ANKRD11: variants seen among roughly 807,000 people sequenced by gnomAD.
ANKRD11 encodes the protein ankyrin repeat domain-containing protein 11.
Under a neutral mutation model 195.7 loss-of-function variants are expected in ANKRD11, and 17 were observed. The ratio of observed to expected loss-of-function variants is 0.09; its 90% CI spans 0.06 to 0.13. The LOEUF (loss-of-function observed/expected upper bound fraction) is 0.13. Ranked by LOEUF, ANKRD11 falls within the 10% of genes least tolerant of loss-of-function variation. The pLI, the probability that ANKRD11 is intolerant of heterozygous loss-of-function variation, is 1.00. For missense variants in ANKRD11, 3,735 were observed against 3,566.1 expected, an observed-to-expected ratio of 1.05 and a Z score of -1.21; for synonymous variants, 1,953 against 1,528.1, an observed-to-expected ratio of 1.28 and a Z score of -6.49.
At chr16:89,358,807 G>A (rs2039602506) in intron 2 of ANKRD11, among the ~76,000 whole-genome samples, 1 of 151,868 alleles carries the variant, frequency 6.6e-6, no homozygotes, top group Non-Finnish European at 1.5e-5. Context: ...TCACATTTCA[G>A]TTATAGTTTG....
At chr16:89,404,698 C>G (rs530288188) in intron 2 of ANKRD11, among the ~76,000 whole-genome samples, 1 of 152,366 alleles carries the variant, frequency 6.6e-6, no homozygotes, top group South Asian at 2.1e-4. Context: ...GTTCAACCTT[C>G]CTACAAGCAC....
intron 7 of ANKRD11, chr16:89,287,989 C>T (rs925388225): frequency 1.0e-5 from 5 of 478,304 alleles, no homozygotes; most frequent in African/African-American, 1.9e-5. Flanking sequence ...CCCTGCTTTC[C>T]GGCAGGACGG....
chr16:89,284,471 G>C lies in ANKRD11; in HGVS notation c.2071C>G (p.Arg691Gly). Reference protein sequence around the residue: ...ENKLKVLKHDRDHFKKEEKLS... With the variant: ...ENKLKVLKHDGDHFKKEEKLS... The stretch of plus-strand genomic sequence containing the variant: ...TTCTCTTCTTTTTTAAAGTGGTCGC[G>C]ATCGTGCTTTAACACTTTTAGCTTG... The change falls in exon 9 of 13, where the codon CGC becomes GGC. Residue 691 changes from arginine to glycine, a missense_variant. Transcript: ENST00000301030. The C allele has an allele frequency of 6.2e-7, 1 of 1,613,870 alleles. No individual in the cohort carries two copies. The highest frequency in any genetic ancestry group is 8.5e-7 in the Non-Finnish European group (1 of 1,180,006).
At chr16:89,447,631 T>G (rs538756902) in intron 1 of ANKRD11, among the ~76,000 whole-genome samples, 1 of 152,114 alleles carries the variant, frequency 6.6e-6, no homozygotes, top group African/African-American at 2.4e-5. Flanking sequence ...CTGTTCTCAC[T>G]CCTCCTACAC....
At position 89,280,909 on chromosome 16, in the gene ANKRD11, G is replaced by A; in HGVS notation, c.5633C>T (p.Ser1878Phe). Residue 1878 changes from serine to phenylalanine, a missense_variant, in exon 9 of 13, where the codon TCT (serine) becomes TTT (phenylalanine). Physicochemically the swap from Ser to Phe is radical, Grantham distance 155. Coordinates refer to ENST00000301030, the MANE Select transcript of ANKRD11 (RefSeq NM_013275.6). ...PPAAVVTVTP[S>F]PEGVFSSLQA... The stretch of plus-strand genomic sequence containing the variant: ...TAAACTTGAGAAGACGCCCTCTGGA[G>A]ACGGGGTGACAGTGACAACGGCAGC... 6.2e-7 allele frequency: 1 copy of A among 1,600,936 alleles called. No individual in the cohort carries two copies. Among genetic ancestry groups the A allele is most frequent in the East Asian group, 2.2e-5 (1 of 44,568 alleles).
chr16:89,307,409 AAG>A (rs1218890729), intron 3 of ANKRD11, among the ~76,000 whole-genome samples: 3 of 152,214 alleles, frequency 2.0e-5, no homozygotes, highest in Non-Finnish European at 4.4e-5. Context: ...GTGACCATGA[AAG>A]AGCTTTCCAG....
chr16:89,279,081 G>A lies in ANKRD11; in HGVS notation c.7461C>T (p.His2487=), dbSNP rs894825981. 3.7e-6 allele frequency: 6 copies of A among 1,614,024 alleles called. No individual in the cohort carries two copies. The highest frequency in any genetic ancestry group is 5.1e-6 in the Non-Finnish European group (6 of 1,179,932). The change falls in exon 9 of 13, where the codon CAC becomes CAT. Residue 2487 remains histidine (H), a synonymous_variant. Transcript: ENST00000301030. The surrounding 1 kb of genome is among the most constrained non-coding windows in gnomAD (Gnocchi z 5.6). ...CGGGCCCCGCACTCACCACGGGGAT[G>A]TGGAGCTTGCTGAGCGGCTTGCCGT... ...LLDGKPLSKL[H]IPVIAPPPSL...
intron 2 of ANKRD11, among the ~76,000 whole-genome samples, chr16:89,355,317 A>G (rs1424450148): frequency 1.3e-5 from 2 of 152,120 alleles, no homozygotes; most frequent in Non-Finnish European, 2.9e-5. Context: ...CGGCTCACAC[A>G]GACCCACAAG....
chr16:89,398,015 A>G (rs2041521212), intron 2 of ANKRD11, among the ~76,000 whole-genome samples: 2 of 152,114 alleles, frequency 1.3e-5, no homozygotes, highest in African/African-American at 4.8e-5. Flanking sequence ...CACCAGTGAC[A>G]ATGTAGCACT....
intron 2 of ANKRD11, among the ~76,000 whole-genome samples, chr16:89,384,375 A>C (rs1194602454): frequency 6.6e-6 from 1 of 152,208 alleles, no homozygotes; most frequent in African/African-American, 2.4e-5. Context: ...TATGAAAAAT[A>C]CAAAAATTAG....
intron 2 of ANKRD11, among the ~76,000 whole-genome samples, chr16:89,347,411 C>T (rs1367507918): frequency 1.3e-5 from 2 of 152,056 alleles, no homozygotes; most frequent in Non-Finnish European, 2.9e-5. Flanking sequence ...AGATCAAGAC[C>T]ATCCTGGCTA....
At chr16:89,428,394 C>A (rs1023138482) in intron 1 of ANKRD11, among the ~76,000 whole-genome samples, 1 of 151,742 alleles carries the variant, frequency 6.6e-6, no homozygotes, top group East Asian at 1.9e-4. Flanking sequence ...AGCGTGGTGG[C>A]GGGCGCCTAT....
intron 2 of ANKRD11, among the ~76,000 whole-genome samples, chr16:89,329,410 G>C (rs2037928437): frequency 6.6e-6 from 1 of 152,196 alleles, no homozygotes; most frequent in Admixed American, 6.5e-5. Context: ...AAAAAAAAGG[G>C]AGAAAAAACA....
intron 1 of ANKRD11, among the ~76,000 whole-genome samples, chr16:89,484,285 C>CAAG (rs2057534742): frequency 6.6e-6 from 1 of 152,120 alleles, no homozygotes; most frequent in African/African-American, 2.4e-5. Flanking sequence ...TGGATACTAA[C>CAAG]AAAGCTTGAT....
intron 2 of ANKRD11, among the ~76,000 whole-genome samples, chr16:89,382,331 A>T (rs2152108405): frequency 6.6e-6 from 1 of 151,002 alleles, no homozygotes; most frequent in African/African-American, 2.4e-5. Context: ...ATATATATAT[A>T]TATATTTTTT....
chr16:89,446,692 G>C (rs1247370303), intron 1 of ANKRD11, among the ~76,000 whole-genome samples: 2 of 152,136 alleles, frequency 1.3e-5, no homozygotes, highest in Non-Finnish European at 2.9e-5. Flanking sequence ...TGAGATCCTT[G>C]TGGCAGGACC....
intron 2 of ANKRD11, among the ~76,000 whole-genome samples, chr16:89,330,525 G>A (rs1238166200): frequency 1.3e-5 from 2 of 151,792 alleles, no homozygotes; most frequent in Admixed American, 6.6e-5. Context: ...ACGTGGCAGC[G>A]GGTTTCCACA....
chr16:89,275,045 T>G (rs568821799), intron 10 of ANKRD11, 48 bp downstream of exon 10: 1 of 1,612,724 alleles, frequency 6.2e-7, no homozygotes, highest in South Asian at 1.1e-5. Context: ...GCCTGCGCCG[T>G]GAAAAGCCCT....
At position 89,284,055 on chromosome 16, in the gene ANKRD11, G is replaced by T. The variant is rs376806924; in HGVS notation, c.2487C>A (p.Thr829=). 5.0e-6 allele frequency: 8 copies of T among 1,613,938 alleles called. No homozygotes were observed. The African/African-American group carries it at 8.0e-5, about 16-fold the overall frequency. Residue 829 remains threonine (T), a synonymous_variant, in exon 9 of 13, where the codon ACC becomes ACA. Coordinates refer to ENST00000301030, the MANE Select transcript of ANKRD11 (RefSeq NM_013275.6). ...GCTGATCGTCAGAAAGGCTAAATTT[G>T]GTGTCTTCATTCTCCAGAAACTGAT... ...NKNQFLENED[T]KFSLSDDQRD...
Sources: allele counts gnomAD v4.1 joint callset (sites outside exome capture counted in the v4.1 genomes callset), GRCh38; gene constraint gnomAD v4.1.1; non-coding constraint Gnocchi (gnomAD v3.1); transcripts MANE v1.5; gene names NCBI Gene and HGNC (gene_info 2026-07-23, HGNC 2026-07-21).